The following CELA2A variants were observed in gnomAD, a reference collection of about 807,000 sequenced individuals.
CELA2A encodes the protein chymotrypsin-like elastase family member 2A.
A neutral mutation model predicts 35.3 loss-of-function variants in CELA2A; 31 were observed. That is an observed-to-expected ratio of 0.88 (90% CI 0.66 to 1.19). CELA2A has a LOEUF of 1.19. Among genes scored for constraint, CELA2A ranks in the 50% most tolerant of loss-of-function variants. The pLI is 0.00. For missense variants in CELA2A, 330 were observed against 352.9 expected, an observed-to-expected ratio of 0.94 and a Z score of 0.52; for synonymous variants, 150 against 149.8, an observed-to-expected ratio of 1.00 and a Z score of -0.01.
chr1:15,462,829 C>T lies in CELA2A; in HGVS notation c.324C>T (p.His108=), dbSNP rs1197394191. The T allele has an allele frequency of 6.2e-7, 1 of 1,614,114 alleles. No individual in the cohort carries two copies. Among genetic ancestry groups the T allele is most frequent in the South Asian group, 1.1e-5 (1 of 91,076 alleles). The stretch of plus-strand genomic sequence containing the variant: ...TCAGTGTCTCTAAGATTGTGGTGCA[C>T]AAGGACTGGAACTCCAACCAAATCT... The part of the protein sequence containing the change: ...LAVSVSKIVV[H]KDWNSNQISK... Residue 108 remains histidine (H), a synonymous_variant, in exon 4 of 8, where the codon CAC becomes CAT. Transcript: ENST00000359621.
intron 5 of CELA2A, among the ~76,000 whole-genome samples, chr1:15,465,172 C>T (rs1356010238): frequency 1.3e-5 from 2 of 151,770 alleles, no homozygotes; most frequent in African/African-American, 4.8e-5. Flanking sequence ...CCACCATGCC[C>T]GGGTAATTTT....
rs115788608 is a variant in CELA2A, at chr1:15,462,007, G to A, written c.227+349G>A. On this transcript the variant is annotated intron_variant, in intron 3 of 7. Transcript: ENST00000359621. The stretch of plus-strand genomic sequence containing the variant: ...CAAAGCTTCAATACCATCACCTGCA[G>A]AAAAATGGAGTAACAGAATTTAGTG... 3.6e-3 allele frequency: 1,830 copies of A among 513,556 alleles called. 32 individuals are homozygous for A. Among genetic ancestry groups the A allele is most frequent in the African/African-American group, 0.031 (1,630 of 51,862 alleles). 31.8% of individuals were successfully genotyped at this position (513,556 alleles called of 1,614,324 possible).
chr1:15,467,044 C>G (rs1225796150), intron 6 of CELA2A, among the ~76,000 whole-genome samples: 2 of 152,196 alleles, frequency 1.3e-5, no homozygotes, highest in African/African-American at 4.8e-5. Context: ...GGCCTCAGCT[C>G]CTTTACAAAC....
intron 3 of CELA2A, chr1:15,462,240 T>A (rs1164768420): frequency 2.1e-6 from 1 of 469,216 alleles, no homozygotes; most frequent in Admixed American, 2.4e-5. Flanking sequence ...CCAGGAGTGA[T>A]CCCTTCTCCC....
chr1:15,466,215 C>T (rs1269243598), intron 6 of CELA2A, 71 bp downstream of exon 6: 4 of 1,526,918 alleles, frequency 2.6e-6, no homozygotes, highest in African/African-American at 2.7e-5. Flanking sequence ...GAGGTCCATC[C>T]CTCCATAGGT....
rs1048323325 is a variant in CELA2A at position 15,461,612 on chromosome 1, T to G, written c.181T>G (p.Ser61Ala). 6.2e-7 allele frequency: 1 copy of G among 1,612,902 alleles called. No individual in the cohort carries two copies. The highest frequency in any genetic ancestry group is 8.5e-7 in the Non-Finnish European group (1 of 1,180,022). The change falls in exon 3 of 8, where the codon TCC becomes GCC. Residue 61 changes from serine (S) to alanine (A), a missense_variant. Physicochemically the swap from Ser to Ala is moderately conservative, Grantham distance 99 (BLOSUM62 1). Transcript: ENST00000359621. Reference sequence around the variant, plus strand: ...CAAGTGGTACCACACCTGCGGAGGGTCCCTGATAGCCAACAGCTGGGTCCT... The same window carrying G: ...CAAGTGGTACCACACCTGCGGAGGGGCCCTGATAGCCAACAGCTGGGTCCT... ...NGKWYHTCGGSLIANSWVLTA... is the reference protein window; with the variant it reads ...NGKWYHTCGGALIANSWVLTA...
chr1:15,463,007 C>T (rs1708460320), intron 4 of CELA2A, 146 bp downstream of exon 4: 3 of 1,255,664 alleles, frequency 2.4e-6, no homozygotes, highest in African/African-American at 1.5e-5. Context: ...AGATGTGGAA[C>T]CAGCTCCAAA....
At chr1:15,457,003 TG>T in intron 1 of CELA2A, 82 bp from the exon 2 acceptor site, 3 of 1,408,680 alleles carry the variant, frequency 2.1e-6, no homozygotes, top group African/African-American at 1.4e-5. Context: ...GTTTTCTATT[TG>T]GGGGGTCAGA....
In CELA2A at chr1:15,463,497, C is replaced by T. The variant is rs576453967; in HGVS notation, c.468C>T (p.Tyr156=). 7.4e-6 allele frequency: 12 copies of T among 1,613,832 alleles called. No individual in the cohort carries two copies. Among genetic ancestry groups the T allele is most frequent in the South Asian group, 2.2e-5 (2 of 91,084 alleles). The part of the protein sequence containing the change: ...GTILPNNYPC[Y]VTGWGRLQTN... Reference sequence around the variant, plus strand: ...TTCTACCCAACAACTACCCCTGCTACGTCACGGGCTGGGGAAGGCTGCAGA... The same window carrying T: ...TTCTACCCAACAACTACCCCTGCTATGTCACGGGCTGGGGAAGGCTGCAGA... Residue 156 remains tyrosine (Y), a synonymous_variant, in exon 5 of 8, where the codon TAC becomes TAT. Coordinates refer to ENST00000359621, the MANE Select transcript of CELA2A (RefSeq NM_033440.3).
intron 4 of CELA2A, 58 bp from the exon 5 acceptor site, chr1:15,463,328 G>A: frequency 1.2e-6 from 2 of 1,609,716 alleles, no homozygotes; most frequent in South Asian, 1.1e-5. Context: ...GCCCTCCAAA[G>A]CCCACAGGGC....
intron 7 of CELA2A, among the ~76,000 whole-genome samples, chr1:15,469,922 G>T (rs1409642100): frequency 6.6e-6 from 1 of 152,130 alleles, no homozygotes; most frequent in Admixed American, 6.5e-5. Context: ...GGGACCTGAA[G>T]CAGGGGCAGG....
intron 7 of CELA2A, 79 bp downstream of exon 7, chr1:15,467,617 CTG>C: frequency 6.6e-7 from 1 of 1,520,490 alleles, no homozygotes; most frequent in African/African-American, 1.4e-5. Flanking sequence ...CACCTGGTGA[CTG>C]AGAATCCCCT....
chr1:15,467,140 C>G (rs1708529155), intron 6 of CELA2A, among the ~76,000 whole-genome samples: 1 of 152,138 alleles, frequency 6.6e-6, no homozygotes, highest in East Asian at 1.9e-4. Context: ...GAATATTTAC[C>G]TCATAGGATT....
intron 5 of CELA2A, among the ~76,000 whole-genome samples, chr1:15,465,308 C>T (rs186513882): frequency 9.2e-5 from 14 of 152,098 alleles, no homozygotes; most frequent in Non-Finnish European, 1.9e-4. Flanking sequence ...CGCGCCCGAC[C>T]GACACTTAAC....
chr1:15,459,598 G>A (rs747304384), intron 2 of CELA2A, among the ~76,000 whole-genome samples: 19 of 152,138 alleles, frequency 1.2e-4, no homozygotes, highest in East Asian at 3.8e-4. Context: ...AACACCGGGC[G>A]CATTTGTGCT....
chr1:15,461,023 G>C lies in CELA2A; in HGVS notation c.130-538G>C, dbSNP rs144841961. ...CAGAAGGGAAAGGAAACACATCCTT[G>C]TTCACGCAGCGGTAGCAGGGAGAAG... is the stretch of plus-strand genomic sequence containing the variant. On this transcript the variant is annotated intron_variant, in intron 2 of 7. Transcript: ENST00000359621. 1.6e-3 allele frequency among the ~76,000 whole-genome samples: 243 copies of C among 152,288 alleles called. 1 individual carries two copies. Among genetic ancestry groups the C allele is most frequent in the African/African-American group, 5.1e-3 (214 of 41,574 alleles).
In CELA2A at chr1:15,461,557, C is replaced by T. The variant is rs774084997; in HGVS notation, c.130-4C>T. On this transcript the variant is annotated splice_region_variant and splice_polypyrimidine_tract_variant and intron_variant, in intron 2 of 7. Transcript: ENST00000359621. Reference sequence around the variant, plus strand: ...AGCCACAGAGCTCCTTTGCTTCTCCCCAGGTCTCCCTGCAGTACAGCTCCA... The same window carrying T: ...AGCCACAGAGCTCCTTTGCTTCTCCTCAGGTCTCCCTGCAGTACAGCTCCA... 11 of 1,611,994 alleles carry T rather than the reference C, an allele frequency of 6.8e-6. No individual in the cohort carries two copies. In the African/African-American group the frequency reaches 1.1e-4, roughly 16 times the overall value.
intron 2 of CELA2A, among the ~76,000 whole-genome samples, chr1:15,460,231 A>T (rs759249546): frequency 2.0e-5 from 3 of 152,048 alleles, no homozygotes; most frequent in Non-Finnish European, 2.9e-5. Context: ...CTTTAGCTAC[A>T]CTTTGCTGGC....
chr1:15,467,951 G>T (rs190738866), intron 7 of CELA2A, among the ~76,000 whole-genome samples: 19 of 152,100 alleles, frequency 1.2e-4, no homozygotes, highest in Admixed American at 9.8e-4. Flanking sequence ...AATTAGCCAG[G>T]TGTGGTAGCG....
Sources: allele counts gnomAD v4.1 joint callset (sites outside exome capture counted in the v4.1 genomes callset), GRCh38; gene constraint gnomAD v4.1.1; transcripts MANE v1.5; gene names NCBI Gene and HGNC (gene_info 2026-07-23, HGNC 2026-07-21).